The following TRPM3 variants were observed in gnomAD, a reference collection of about 807,000 sequenced individuals.
TRPM3 encodes transient receptor potential cation channel subfamily M member 3.
Under a neutral mutation model 181.2 loss-of-function variants are expected in TRPM3, and 77 were observed. The observed-to-expected ratio is 0.42, with a 90% confidence interval of 0.35 to 0.51. The LOEUF is 0.51. Among genes scored for constraint, TRPM3 ranks in the 20% least tolerant of loss-of-function variants. The probability of loss-of-function intolerance (pLI) is 0.01; values close to 1 mark genes in which losing one functional copy is unlikely to be tolerated. For missense variants in TRPM3, 1,759 were observed against 2,196.7 expected, an observed-to-expected ratio of 0.80 and a Z score of 3.98; for synonymous variants, 745 against 796.4, an observed-to-expected ratio of 0.94 and a Z score of 1.09.
chr9:70,760,555 T>G (rs1211675896), intron 8 of TRPM3: 1 of 151,760 alleles, frequency 6.6e-6, no homozygotes. Context: ...TATTGTCCTA[T>G]TCTTCTCATC....
At chr9:70,854,370 CAG>C (rs1385322421) in intron 3 of TRPM3, among the ~76,000 whole-genome samples, 3 of 152,138 alleles carry the variant, frequency 2.0e-5, no homozygotes, top group East Asian at 1.9e-4. Flanking sequence ...TGTTGTTAAA[CAG>C]GGGTGATCCT....
At chr9:70,851,359 T>C (rs11998936) in intron 3 of TRPM3, among the ~76,000 whole-genome samples, 18,363 of 152,244 alleles carry the variant, frequency 0.12, 2,016 homozygotes, top group African/African-American at 0.29. Flanking sequence ...ATACAGATAT[T>C]GTGTAATAAT....
At chr9:71,420,678 AG>A (rs1565556614) in intron 1 of TRPM3, among the ~76,000 whole-genome samples, 79 of 130,574 alleles carry the variant, frequency 6.1e-4, no homozygotes, top group Non-Finnish European at 1.0e-3. Flanking sequence ...AAAGAGAGAA[AG>A]AAAGAGAAAG....
intron 1 of TRPM3, among the ~76,000 whole-genome samples, chr9:71,342,253 G>GGT (rs1554880389): frequency 2.6e-4 from 6 of 23,448 alleles, no homozygotes; most frequent in East Asian, 2.9e-3. Flanking sequence ...TCTTTAAATA[G>GGT]GTGTATATAT....
chr9:70,768,435 A>G (rs2079556116), intron 7 of TRPM3, among the ~76,000 whole-genome samples: 1 of 152,076 alleles, frequency 6.6e-6, no homozygotes, highest in Non-Finnish European at 1.5e-5. Flanking sequence ...ATCTTCAGTA[A>G]TATGTGTGTA....
At chr9:70,828,912 C>G (rs1207349216) in intron 5 of TRPM3, among the ~76,000 whole-genome samples, 3 of 152,068 alleles carry the variant, frequency 2.0e-5, no homozygotes, top group African/African-American at 7.2e-5. Context: ...CTGCCTGATT[C>G]CAAAATCTAT....
chr9:70,673,422 TTAA>T (rs1463272651), intron 9 of TRPM3, among the ~76,000 whole-genome samples: 1 of 151,918 alleles, frequency 6.6e-6, no homozygotes, highest in African/African-American at 2.4e-5. Flanking sequence ...AGAGAATGGC[TTAA>T]TAAATACTTT....
At chr9:70,632,395 T>C (rs1016207921) in intron 12 of TRPM3, among the ~76,000 whole-genome samples, 8 of 152,202 alleles carry the variant, frequency 5.3e-5, no homozygotes, top group African/African-American at 1.7e-4. Context: ...ACATAAAATG[T>C]AGGCCTTGTG....
chr9:70,645,852 C>T (rs1289745111), intron 9 of TRPM3, among the ~76,000 whole-genome samples: 1 of 151,942 alleles, frequency 6.6e-6, no homozygotes, highest in Non-Finnish European at 1.5e-5. Context: ...GGCTAATATC[C>T]AGAATCTATA....
At position 70,988,583 on chromosome 9, in the gene TRPM3, T is replaced by C. The variant is rs527874426; in HGVS notation, c.178-124072A>G. Among the ~76,000 whole-genome samples the C allele has an allele frequency of 2.0e-5, 3 of 152,350 alleles. 1 individual carries two copies. The highest frequency in any genetic ancestry group is 6.8e-3 in the Middle Eastern group (2 of 294). ...GGCCTCCAAGATTCCCAGCCAGTGA[T>C]TATTCAATGATGTGAATCTAGGTAC... On this transcript the variant is annotated intron_variant, in intron 1 of 25. Transcript: ENST00000677713.
chr9:70,763,613 A>G (rs2078562124), intron 7 of TRPM3, among the ~76,000 whole-genome samples: 1 of 152,228 alleles, frequency 6.6e-6, no homozygotes, highest in Non-Finnish European at 1.5e-5. Context: ...TGTGGACCAG[A>G]TTGAAATCAT....
At chr9:70,898,457 T>C (rs2096322447) in intron 1 of TRPM3, among the ~76,000 whole-genome samples, 6 of 149,534 alleles carry the variant, frequency 4.0e-5, no homozygotes, top group Admixed American at 6.6e-5. Flanking sequence ...TTGAAAAATT[T>C]ATTGGTTTCC....
intron 1 of TRPM3, among the ~76,000 whole-genome samples, chr9:71,245,642 T>C (rs2081994961): frequency 1.3e-5 from 2 of 152,028 alleles, no homozygotes; most frequent in South Asian, 4.2e-4. Context: ...AGGGCAGTAG[T>C]GGTGGAAATG....
intron 1 of TRPM3, among the ~76,000 whole-genome samples, chr9:71,346,362 A>G (rs930972271): frequency 2.6e-5 from 4 of 152,206 alleles, no homozygotes; most frequent in African/African-American, 9.6e-5. Context: ...TTGTCTCTGC[A>G]TCTCACTGTG....
chr9:70,911,892 T>C (rs1166148454), intron 1 of TRPM3, among the ~76,000 whole-genome samples: 1 of 152,216 alleles, frequency 6.6e-6, no homozygotes, highest in Non-Finnish European at 1.5e-5. Flanking sequence ...CTAGAATTAA[T>C]GCAAACTTTC....
rs576477262 is a variant in TRPM3 at position 70,583,109 on chromosome 9, T to C, written c.3223+7922A>G. 2.6e-4 allele frequency among the ~76,000 whole-genome samples: 40 copies of C among 152,306 alleles called. No homozygotes were observed. The Middle Eastern group carries it at 0.017, about 65-fold the overall frequency. On this transcript the variant is annotated intron_variant, in intron 22 of 25. Coordinates refer to ENST00000677713, the MANE Select transcript of TRPM3 (RefSeq NM_001366145.2). The stretch of plus-strand genomic sequence containing the variant: ...GCAGCACAGAATCCAGAAATAGCCC[T>C]TGAGTTTCTCTGGCTGCTTTTGTGG...
chr9:71,302,268 C>G (rs551734419), intron 1 of TRPM3, among the ~76,000 whole-genome samples: 24 of 152,228 alleles, frequency 1.6e-4, no homozygotes, highest in South Asian at 8.3e-4. Flanking sequence ...TAGAAATTTG[C>G]TGATAAATAT....
chr9:70,654,694 T>G (rs1481777176), intron 9 of TRPM3, among the ~76,000 whole-genome samples: 1 of 151,310 alleles, frequency 6.6e-6, no homozygotes, highest in Non-Finnish European at 1.5e-5. Flanking sequence ...TAGTTTTTTT[T>G]TTTTTTGAGG....
At chr9:70,607,144 A>G (rs996787578) in intron 19 of TRPM3, among the ~76,000 whole-genome samples, 9 of 152,120 alleles carry the variant, frequency 5.9e-5, no homozygotes, top group African/African-American at 2.2e-4. Context: ...CCAGAAGAGG[A>G]CCCAATCTGC....
Sources: gnomAD v4.1 joint callset for allele counts (sites outside exome capture counted in the v4.1 genomes callset) on GRCh38, gnomAD v4.1.1 for gene constraint, MANE v1.5 for transcripts, NCBI Gene and HGNC (gene_info 2026-07-23, HGNC 2026-07-21) for gene names.